The following UBR2 variants were observed in gnomAD, a reference collection of about 807,000 sequenced individuals.
The protein encoded by UBR2 is E3 ubiquitin-protein ligase UBR2.
In UBR2, 92 loss-of-function variants were observed where a neutral mutation model predicts 247.9. That is an observed-to-expected ratio of 0.37 (90% CI 0.31 to 0.44). The LOEUF (loss-of-function observed/expected upper bound fraction) is 0.44. Among genes scored for constraint, UBR2 ranks in the 20% least tolerant of loss-of-function variants. The probability of loss-of-function intolerance (pLI) is 1.00; values close to 1 mark genes in which losing one functional copy is unlikely to be tolerated. For missense variants in UBR2, 1,613 were observed against 2,112.6 expected, an observed-to-expected ratio of 0.76 and a Z score of 4.64; for synonymous variants, 672 against 693.5, an observed-to-expected ratio of 0.97 and a Z score of 0.49.
intron 11 of UBR2, among the ~76,000 whole-genome samples, chr6:42,629,101 C>T (rs1795534010): frequency 6.6e-6 from 1 of 152,036 alleles, no homozygotes; most frequent in Admixed American, 6.6e-5. Context: ...ACTGCAACCT[C>T]CGCCTCCTGG....
rs775730617 is a variant in UBR2 at position 42,675,956 on chromosome 6, C to CA, written c.4252-90dup. On this transcript the variant is annotated intron_variant, in intron 38 of 46. Coordinates refer to ENST00000372901, the MANE Select transcript of UBR2 (RefSeq NM_001363705.2). ...TGGGCAACAGAGTAAGACTCTGTCT[C>CA]AAAAAAAAAATCAAAATAAAAGTAA... is the stretch of plus-strand genomic sequence containing the variant. The CA allele has an allele frequency of 3.4e-3, 4,443 of 1,310,774 alleles. 1 individual carries two copies. Among genetic ancestry groups the CA allele is most frequent in the South Asian group, 4.8e-3 (293 of 61,586 alleles). The allele number at this position is 1,310,774 out of a possible 1,614,324, so 81.2% of individuals were successfully genotyped here.
intron 11 of UBR2, among the ~76,000 whole-genome samples, chr6:42,631,933 T>A (rs1241284026): frequency 7.2e-6 from 1 of 139,338 alleles, no homozygotes; most frequent in Non-Finnish European, 1.5e-5. Context: ...TACACATACA[T>A]ATACCATCTC....
chr6:42,629,834 T>C (rs1795589525), intron 11 of UBR2, among the ~76,000 whole-genome samples: 1 of 152,208 alleles, frequency 6.6e-6, no homozygotes, highest in African/African-American at 2.4e-5. Flanking sequence ...TCTTTTCTGT[T>C]TGTAACTTTG....
intron 41 of UBR2, among the ~76,000 whole-genome samples, 165 bp from the exon 42 acceptor site, chr6:42,679,558 TC>T (rs1427523685): frequency 7.2e-5 from 11 of 152,284 alleles, no homozygotes. Flanking sequence ...TGCGTCATTT[TC>T]CATGGATTCC....
chr6:42,687,316 C>G (rs1282288861), intron 44 of UBR2, among the ~76,000 whole-genome samples: 1 of 152,172 alleles, frequency 6.6e-6, no homozygotes, highest in Non-Finnish European at 1.5e-5. Context: ...AACCCCGTCT[C>G]CACCAAAAAA....
At chr6:42,606,203 A>T (rs1360243210) in intron 6 of UBR2, among the ~76,000 whole-genome samples, 2 of 151,838 alleles carry the variant, frequency 1.3e-5, no homozygotes, top group African/African-American at 4.8e-5. Flanking sequence ...AGATTGCGCC[A>T]TTGCACTCGA....
At chr6:42,676,399 A>G (rs1202914695) in intron 39 of UBR2, among the ~76,000 whole-genome samples, 2 of 152,312 alleles carry the variant, frequency 1.3e-5, no homozygotes, top group East Asian at 3.9e-4. Context: ...TTTTAATTTC[A>G]TACATTCAGT....
chr6:42,659,550 CACA>C lies in UBR2; in HGVS notation c.3243-105_3243-103del. 1 of 773,230 alleles carries C rather than the reference CACA, an allele frequency of 1.3e-6. No homozygotes were observed. The highest frequency in any genetic ancestry group is 2.1e-6 in the Non-Finnish European group (1 of 479,058). The allele number at this position is 773,230 out of a possible 1,614,324, so 47.9% of individuals were successfully genotyped here. A position where few individuals can be genotyped will look rare whatever the true frequency, so the allele number is the denominator to read the frequency against. ...ACACACACACACACACACACACACA[CACA>C]CACACACACTACACACACACACACA... On this transcript the variant is annotated intron_variant, in intron 29 of 46. Coordinates refer to ENST00000372901, the MANE Select transcript of UBR2 (RefSeq NM_001363705.2). The surrounding 1 kb of genome is among the most constrained non-coding windows in gnomAD (Gnocchi z 4.3).
intron 15 of UBR2, among the ~76,000 whole-genome samples, chr6:42,637,928 A>C (rs909694776): frequency 2.6e-5 from 4 of 152,254 alleles, no homozygotes; most frequent in Non-Finnish European, 4.4e-5. Flanking sequence ...TTTAACTCAG[A>C]GAACAGAAAG....
rs60224579 is a variant in UBR2, at chr6:42,622,840, ATT to A, written c.1281+5346_1281+5347del. Among the ~76,000 whole-genome samples the A allele has an allele frequency of 2.3e-3, 333 of 145,674 alleles. 1 individual carries two copies. Among genetic ancestry groups the A allele is most frequent in the African/African-American group, 6.7e-3 (266 of 39,784 alleles). ...ATTCATTTATTCTAATGGTTTATAG[ATT>A]TTTTTTTTTTTTAAGATGGGGTCTG... On this transcript the variant is annotated intron_variant, in intron 11 of 46. Coordinates refer to ENST00000372901, the MANE Select transcript of UBR2 (RefSeq NM_001363705.2).
intron 8 of UBR2, among the ~76,000 whole-genome samples, chr6:42,612,885 G>A (rs1457156835): frequency 6.6e-6 from 1 of 152,154 alleles, no homozygotes; most frequent in African/African-American, 2.4e-5. Flanking sequence ...TGGATAACCT[G>A]AGGTCAGGAG....
intron 2 of UBR2, among the ~76,000 whole-genome samples, chr6:42,589,974 G>A (rs1377068117): frequency 1.3e-5 from 2 of 152,092 alleles, no homozygotes; most frequent in Non-Finnish European, 2.9e-5. Context: ...TTATTCTCTT[G>A]AGGTTTGTTT....
At chr6:42,607,449 T>C (rs1793775834) in intron 7 of UBR2, among the ~76,000 whole-genome samples, 1 of 152,126 alleles carries the variant, frequency 6.6e-6, no homozygotes, top group Admixed American at 6.5e-5. Flanking sequence ...ATTACAGGTG[T>C]GAGCCACCAC....
intron 11 of UBR2, chr6:42,620,408 A>G (rs1326234290): frequency 1.3e-5 from 2 of 151,634 alleles, no homozygotes; most frequent in Admixed American, 6.6e-5. Flanking sequence ...GATTCTGCAT[A>G]CATATTCTTT....
intron 1 of UBR2, among the ~76,000 whole-genome samples, chr6:42,565,183 CA>C (rs1733107099): frequency 6.6e-6 from 1 of 152,176 alleles, no homozygotes; most frequent in Non-Finnish European, 1.5e-5. Context: ...TAAAACCGTT[CA>C]AACGCACTAT....
intron 11 of UBR2, among the ~76,000 whole-genome samples, chr6:42,621,817 A>G (rs541309732): frequency 3.4e-4 from 52 of 152,220 alleles, no homozygotes; most frequent in Non-Finnish European, 6.5e-4. Context: ...TCAGCATATC[A>G]GCTTCCATAC....
Position 42,618,326 on chromosome 6 carries a change from G to A in UBR2, c.1281+819G>A, listed in dbSNP as rs113158346. 1.2e-3 allele frequency among the ~76,000 whole-genome samples: 186 copies of A among 152,308 alleles called. 3 individuals carry two copies. Among genetic ancestry groups the A allele is most frequent in the African/African-American group, 4.2e-3 (176 of 41,578 alleles). ...TTGAGAAAACCTGGAGGAGTAGGGT[G>A]GAGCATTACCTCTTGGCAAATAGAG... On this transcript the variant is annotated intron_variant, in intron 11 of 46. Transcript: ENST00000372901.
At chr6:42,638,253 C>T (rs1796226391) in intron 15 of UBR2, among the ~76,000 whole-genome samples, 1 of 152,060 alleles carries the variant, frequency 6.6e-6, no homozygotes, top group African/African-American at 2.4e-5. Flanking sequence ...GGAATTGATC[C>T]ATTTCATCTA....
At chr6:42,625,264 T>G (rs1322360185) in intron 11 of UBR2, among the ~76,000 whole-genome samples, 2 of 152,210 alleles carry the variant, frequency 1.3e-5, no homozygotes, top group Non-Finnish European at 2.9e-5. Context: ...GTTTCCCTTC[T>G]AATAACATGT....
Sources: allele counts gnomAD v4.1 joint callset (sites outside exome capture counted in the v4.1 genomes callset), GRCh38; gene constraint gnomAD v4.1.1; non-coding constraint Gnocchi (gnomAD v3.1); transcripts MANE v1.5; gene names NCBI Gene and HGNC (gene_info 2026-07-23, HGNC 2026-07-21).